PRMT3: variants seen among roughly 807,000 people sequenced by gnomAD.
PRMT3 encodes protein arginine N-methyltransferase 3.
A neutral mutation model predicts 71.9 loss-of-function variants in PRMT3; 62 were observed. The ratio of observed to expected loss-of-function variants is 0.86; its 90% CI spans 0.70 to 1.07. The LOEUF is 1.07. Ranked by LOEUF, PRMT3 falls within the 50% of genes least tolerant of loss-of-function variation. The probability of loss-of-function intolerance (pLI) is 0.00; values close to 1 mark genes in which losing one functional copy is unlikely to be tolerated. For missense variants in PRMT3, 663 were observed against 643.0 expected (o/e 1.03, Z -0.34); for synonymous variants, 213 against 220.4 (o/e 0.97, Z 0.30).
At position 20,388,003 on chromosome 11, in the gene PRMT3, TGTGTG is replaced by T; in HGVS notation, c.29-15_29-11del. On this transcript the variant is annotated splice_polypyrimidine_tract_variant and intron_variant, in intron 1 of 15. Coordinates refer to ENST00000331079, the MANE Select transcript of PRMT3 (RefSeq NM_005788.4). Reference sequence around the variant, plus strand: ...CGGTGTCCGAGGCCGATCTGATTGTTGTGTGTGTGTGTTAGGCGGCCGGGGCGCTG... The same window carrying T: ...CGGTGTCCGAGGCCGATCTGATTGTTTGTGTGTTAGGCGGCCGGGGCGCTG... 2.5e-6 allele frequency: 4 copies of T among 1,593,830 alleles called. No homozygotes were observed. The highest frequency in any genetic ancestry group is 3.4e-6 in the Non-Finnish European group (4 of 1,167,014).
At chr11:20,493,588 A>G (rs1851260828) in intron 13 of PRMT3, among the ~76,000 whole-genome samples, 1 of 152,212 alleles carries the variant, frequency 6.6e-6, no homozygotes, top group South Asian at 2.1e-4. Context: ...TGGACATCTC[A>G]GTTGGCGAGT....
chr11:20,419,770 T>C (rs765633719), intron 9 of PRMT3, among the ~76,000 whole-genome samples: 14 of 152,148 alleles, frequency 9.2e-5, no homozygotes, highest in Admixed American at 2.6e-4. Context: ...TCAAGCATCA[T>C]TATATGAGGT....
chr11:20,408,113 A>G (rs540437270), intron 9 of PRMT3, 81 bp downstream of exon 9: 44 of 1,008,956 alleles, frequency 4.4e-5, no homozygotes, highest in Non-Finnish European at 5.2e-5. Flanking sequence ...TTTAGTAGCT[A>G]TCTAAGGCAG....
intron 2 of PRMT3, 135 bp downstream of exon 2, chr11:20,388,289 G>A (rs910213860): frequency 7.6e-7 from 1 of 1,320,822 alleles, no homozygotes; most frequent in African/African-American, 1.5e-5. Flanking sequence ...GGTCTGGGGT[G>A]AGGGCTTGTG....
At chr11:20,417,698 A>G in intron 9 of PRMT3, among the ~76,000 whole-genome samples, 1 of 152,208 alleles carries the variant, frequency 6.6e-6, no homozygotes, top group African/African-American at 2.4e-5. Context: ...CAACTATGTC[A>G]CTGTATACTA....
chr11:20,497,194 T>A (rs1851353670), intron 15 of PRMT3, among the ~76,000 whole-genome samples: 2 of 151,500 alleles, frequency 1.3e-5, no homozygotes, highest in South Asian at 4.2e-4. Flanking sequence ...CGAGAAAATA[T>A]TGTTTGATGA....
chr11:20,490,820 G>GTTA, intron 13 of PRMT3, among the ~76,000 whole-genome samples: 1 of 151,934 alleles, frequency 6.6e-6, no homozygotes, highest in Admixed American at 6.6e-5. Flanking sequence ...TGTTCTTGTT[G>GTTA]TTCCAGTTTA....
At position 20,433,713 on chromosome 11, in the gene PRMT3, C is replaced by G. The variant is rs376934565; in HGVS notation, c.993+6848C>G. Among the ~76,000 whole-genome samples, 11 of 152,162 alleles carry G rather than the reference C, an allele frequency of 7.2e-5. No individual in the cohort carries two copies. In the East Asian group the frequency reaches 2.1e-3, roughly 29 times the overall value. On this transcript the variant is annotated intron_variant, in intron 10 of 15. Coordinates refer to ENST00000331079, the MANE Select transcript of PRMT3 (RefSeq NM_005788.4). ...TTGTCTCACTGCAACCTCCACCCCC[C>G]AGGTTCAAGCAATTCTCCAACCTCG...
At chr11:20,488,295 C>CT (rs1377261279) in intron 13 of PRMT3, among the ~76,000 whole-genome samples, 1 of 152,094 alleles carries the variant, frequency 6.6e-6, no homozygotes, top group Non-Finnish European at 1.5e-5. Context: ...GCTCGTATAG[C>CT]TTATGTTTGT....
At chr11:20,431,141 G>A (rs1338332619) in intron 10 of PRMT3, among the ~76,000 whole-genome samples, 1 of 152,126 alleles carries the variant, frequency 6.6e-6, no homozygotes, top group African/African-American at 2.4e-5. Context: ...AATGATGACG[G>A]AATGTGAATT....
At chr11:20,395,183 TTTTTTTCTTTCTAC>T (rs1370172520) in intron 5 of PRMT3, among the ~76,000 whole-genome samples, 2 of 152,122 alleles carry the variant, frequency 1.3e-5, no homozygotes, top group African/African-American at 2.4e-5. Context: ...AAATATTAGG[TTTTTTTCTTTCTAC>T]TTTTTTCTTT....
At chr11:20,395,355 T>C (rs939256034) in intron 5 of PRMT3, among the ~76,000 whole-genome samples, 2 of 151,750 alleles carry the variant, frequency 1.3e-5, no homozygotes, top group South Asian at 4.2e-4. Context: ...TTATTATTAT[T>C]ACTTTTAAGA....
chr11:20,430,714 G>T (rs1197630928), intron 10 of PRMT3, among the ~76,000 whole-genome samples: 1 of 152,000 alleles, frequency 6.6e-6, no homozygotes, highest in African/African-American at 2.4e-5. Flanking sequence ...CTGTCTTTCT[G>T]TATGTAATAA....
intron 15 of PRMT3, among the ~76,000 whole-genome samples, chr11:20,503,654 A>G (rs923813690): frequency 8.6e-5 from 13 of 150,360 alleles, no homozygotes; most frequent in Admixed American, 7.3e-4. Context: ...AGATTCTTCT[A>G]TCATTAGGTT....
At chr11:20,481,423 C>T (rs1371361018) in intron 13 of PRMT3, among the ~76,000 whole-genome samples, 2 of 152,032 alleles carry the variant, frequency 1.3e-5, no homozygotes, top group African/African-American at 4.8e-5. Context: ...TGCTAGACTG[C>T]ATGATTGTCT....
intron 10 of PRMT3, among the ~76,000 whole-genome samples, chr11:20,432,705 G>A (rs142062189): frequency 6.6e-6 from 1 of 152,118 alleles, no homozygotes; most frequent in Non-Finnish European, 1.5e-5. Flanking sequence ...CTCCTTCTCT[G>A]CATCCTTGCA....
intron 10 of PRMT3, among the ~76,000 whole-genome samples, chr11:20,434,779 C>G (rs1849726642): frequency 6.6e-6 from 1 of 152,178 alleles, no homozygotes; most frequent in Admixed American, 6.5e-5. Context: ...GTTTTTATTA[C>G]TGTAGCCCTG....
chr11:20,446,065 A>T (rs1850020499), intron 10 of PRMT3, among the ~76,000 whole-genome samples: 1 of 152,098 alleles, frequency 6.6e-6, no homozygotes, highest in African/African-American at 2.4e-5. Flanking sequence ...GTGCTCTTAC[A>T]CTTCAGCACT....
chr11:20,413,473 A>G (rs76375235), intron 9 of PRMT3, among the ~76,000 whole-genome samples: 1 of 152,146 alleles, frequency 6.6e-6, no homozygotes, highest in South Asian at 2.1e-4. Context: ...GTCTTATCTC[A>G]TAAGATTGTT....
Sources: gnomAD v4.1 joint callset for allele counts (sites outside exome capture counted in the v4.1 genomes callset) on GRCh38, gnomAD v4.1.1 for gene constraint, MANE v1.5 for transcripts, NCBI Gene and HGNC (gene_info 2026-07-23, HGNC 2026-07-21) for gene names.